NOS1AP: variants seen among roughly 807,000 people sequenced by gnomAD.
NOS1AP encodes the protein carboxyl-terminal PDZ ligand of neuronal nitric oxide synthase protein.
In NOS1AP, 21 loss-of-function variants were observed where a neutral mutation model predicts 56.2. The observed-to-expected ratio is 0.37, with a 90% CI of 0.26 to 0.54. The LOEUF (loss-of-function observed/expected upper bound fraction) is 0.54. Among genes scored for constraint, NOS1AP ranks in the 20% least tolerant of loss-of-function variants. NOS1AP has a pLI of 0.84. For synonymous variants in NOS1AP, 270 were observed against 274.6 expected, an observed-to-expected ratio of 0.98 and a Z score of 0.17; for missense variants, 522 against 657.8, an observed-to-expected ratio of 0.79 and a Z score of 2.26.
At chr1:162,259,937 C>T (rs545805129) in intron 2 of NOS1AP, among the ~76,000 whole-genome samples, 1 of 152,186 alleles carries the variant, frequency 6.6e-6, no homozygotes, top group Non-Finnish European at 1.5e-5. Context: ...TCTCAAAAAG[C>T]ATATTATCTA....
At chr1:162,102,092 G>GCT (rs1435794133) in intron 1 of NOS1AP, among the ~76,000 whole-genome samples, 2 of 152,028 alleles carry the variant, frequency 1.3e-5, no homozygotes, top group Non-Finnish European at 2.9e-5. Flanking sequence ...GTCATGCATG[G>GCT]CTCTTATTAT....
chr1:162,120,423 G>A (rs185421162), intron 1 of NOS1AP, among the ~76,000 whole-genome samples: 3 of 152,302 alleles, frequency 2.0e-5, no homozygotes, highest in Admixed American at 6.5e-5. Flanking sequence ...AAGGAAATGA[G>A]GAGAGAATTT....
At chr1:162,097,083 G>T in intron 1 of NOS1AP, among the ~76,000 whole-genome samples, 1 of 150,912 alleles carries the variant, frequency 6.6e-6, no homozygotes. Context: ...GGTAACCCTT[G>T]GTTTTGTTAT....
intron 4 of NOS1AP, among the ~76,000 whole-genome samples, chr1:162,305,329 A>G (rs977044166): frequency 2.2e-4 from 34 of 151,384 alleles, no homozygotes; most frequent in African/African-American, 7.5e-4. Context: ...CACCTCTAAC[A>G]TCATGGAATC....
chr1:162,318,643 TTTCTTC>T (rs144829991), intron 4 of NOS1AP, among the ~76,000 whole-genome samples: 3 of 151,512 alleles, frequency 2.0e-5, no homozygotes, highest in Non-Finnish European at 4.4e-5. Context: ...ATGAGCCCCC[TTTCTTC>T]TTCTTCTTCT....
chr1:162,330,538 G>A (rs1182597949), intron 4 of NOS1AP, among the ~76,000 whole-genome samples: 1 of 152,218 alleles, frequency 6.6e-6, no homozygotes, highest in African/African-American at 2.4e-5. Flanking sequence ...CACACACCTA[G>A]TTCTGCAGGC....
At chr1:162,084,642 C>A (rs1192589078) in intron 1 of NOS1AP, among the ~76,000 whole-genome samples, 1 of 152,060 alleles carries the variant, frequency 6.6e-6, no homozygotes, top group South Asian at 2.1e-4. Flanking sequence ...AGTTTCCCCA[C>A]TCGGTTGGTG....
At chr1:162,357,936 G>C (rs958399769) in intron 8 of NOS1AP, among the ~76,000 whole-genome samples, 4 of 152,166 alleles carry the variant, frequency 2.6e-5, no homozygotes, top group Non-Finnish European at 5.9e-5. Flanking sequence ...AGGGAATGGT[G>C]AAGACATTCA....
intron 4 of NOS1AP, among the ~76,000 whole-genome samples, chr1:162,315,330 G>A (rs1276183046): frequency 6.6e-6 from 1 of 152,224 alleles, no homozygotes; most frequent in East Asian, 1.9e-4. Flanking sequence ...CCGTGTTGTA[G>A]CTTACTCCGC....
chr1:162,147,979 A>T (rs1008460860), intron 1 of NOS1AP, among the ~76,000 whole-genome samples: 1 of 152,162 alleles, frequency 6.6e-6, no homozygotes, highest in African/African-American at 2.4e-5. Context: ...AGGCTAGGTG[A>T]TTAAAAATCC....
intron 2 of NOS1AP, among the ~76,000 whole-genome samples, chr1:162,227,667 G>T (rs373429777): frequency 1.3e-5 from 2 of 152,156 alleles, no homozygotes; most frequent in African/African-American, 4.8e-5. Context: ...TTTGTTGTCC[G>T]TTCTAGAGAA....
chr1:162,345,482 CA>C lies in NOS1AP; in HGVS notation c.595+1507del, dbSNP rs569747526. ...GCAAAAGAGGTACCACAGTAAGCTA[CA>C]GTATTCAAAACTCATGGGATATAGC... On this transcript the variant is annotated intron_variant, in intron 6 of 9. Transcript: ENST00000361897. Among the ~76,000 whole-genome samples the C allele has an allele frequency of 4.6e-5, 7 of 152,162 alleles. No individual in the cohort carries two copies. In the East Asian group the frequency reaches 1.4e-3, roughly 29 times the overall value.
intron 5 of NOS1AP, 121 bp from the exon 6 acceptor site, chr1:162,343,714 A>G (rs758130184): frequency 3.3e-5 from 35 of 1,072,852 alleles, no homozygotes; most frequent in Non-Finnish European, 4.2e-5. Flanking sequence ...ACTCATTTGT[A>G]TGTGCATATC....
At chr1:162,270,834 G>A (rs1285655839) in intron 2 of NOS1AP, among the ~76,000 whole-genome samples, 2 of 152,208 alleles carry the variant, frequency 1.3e-5, no homozygotes, top group African/African-American at 4.8e-5. Flanking sequence ...TTCTGTGGGT[G>A]AAGCAGGATG....
intron 4 of NOS1AP, among the ~76,000 whole-genome samples, chr1:162,315,662 T>G (rs957909257): frequency 1.2e-4 from 19 of 152,232 alleles, no homozygotes; most frequent in African/African-American, 4.6e-4. Context: ...AACTGGCTTT[T>G]GAGGAGTTAC....
At chr1:162,228,676 A>G (rs1653020240) in intron 2 of NOS1AP, among the ~76,000 whole-genome samples, 2 of 152,214 alleles carry the variant, frequency 1.3e-5, no homozygotes. Flanking sequence ...AACTCGCTCA[A>G]ATGGATCAAG....
At chr1:162,091,085 A>C (rs954736006) in intron 1 of NOS1AP, among the ~76,000 whole-genome samples, 12 of 152,092 alleles carry the variant, frequency 7.9e-5, no homozygotes, top group African/African-American at 2.9e-4. Context: ...AGATTTAAAA[A>C]ATGTGGTAGT....
At chr1:162,169,813 C>T (rs1393226558) in intron 2 of NOS1AP, among the ~76,000 whole-genome samples, 1 of 152,204 alleles carries the variant, frequency 6.6e-6, no homozygotes, top group Non-Finnish European at 1.5e-5. Flanking sequence ...CTTCACTGTG[C>T]CTGTCCAACT....
chr1:162,345,360 T>C (rs1309321828), intron 6 of NOS1AP, among the ~76,000 whole-genome samples: 5 of 133,488 alleles, frequency 3.7e-5, no homozygotes, highest in African/African-American at 1.4e-4. Context: ...CCTGTGTCCA[T>C]GTGATCTCAT....
Sources: gnomAD v4.1 joint callset for allele counts (sites outside exome capture counted in the v4.1 genomes callset) on GRCh38, gnomAD v4.1.1 for gene constraint, MANE v1.5 for transcripts, NCBI Gene and HGNC (gene_info 2026-07-23, HGNC 2026-07-21) for gene names.